The following ZNF536 variants were observed in gnomAD, a reference collection of about 807,000 sequenced individuals.
ZNF536 encodes zinc finger protein 536.
ZNF536 carries 13 observed loss-of-function variants against 84.5 expected under a neutral mutation model. That is an observed-to-expected ratio of 0.15 (90% confidence interval 0.10 to 0.24). ZNF536 has a LOEUF of 0.24. ZNF536 is among the 10% of genes least tolerant of loss of function. The pLI, the probability that ZNF536 is intolerant of heterozygous loss-of-function variation, is 1.00. For synonymous variants in ZNF536, 811 were observed against 742.5 expected (o/e 1.09, Z -1.50); for missense variants, 1,536 against 1,747.5 (o/e 0.88, Z 2.16).
intron 1 of ZNF536, among the ~76,000 whole-genome samples, chr19:30,392,349 A>G (rs938248429): frequency 1.3e-5 from 2 of 152,168 alleles, no homozygotes; most frequent in African/African-American, 4.8e-5. Context: ...CAGCCGCCAA[A>G]GGGATTCCAT....
At chr19:30,650,187 C>T (rs959408924) in intron 1 of ZNF536, among the ~76,000 whole-genome samples, 7 of 152,312 alleles carry the variant, frequency 4.6e-5, no homozygotes, top group South Asian at 2.1e-4. Context: ...GCAGTGTTAG[C>T]GGCACCTAGA....
At chr19:30,418,573 A>G (rs1046216024) in intron 1 of ZNF536, among the ~76,000 whole-genome samples, 37 of 152,268 alleles carry the variant, frequency 2.4e-4, no homozygotes, top group African/African-American at 8.2e-4. Flanking sequence ...ACTCACTTCA[A>G]TTACATTTTT....
intron 1 of ZNF536, among the ~76,000 whole-genome samples, chr19:30,700,331 TCCTC>T (rs1249175890): frequency 7.0e-6 from 1 of 142,388 alleles, no homozygotes; most frequent in East Asian, 2.1e-4. Context: ...TATCCCTCCT[TCCTC>T]CCTCCCTCCC....
chr19:30,346,717 T>C (rs2047754204), intron 2 of ZNF536, among the ~76,000 whole-genome samples: 1 of 152,280 alleles, frequency 6.6e-6, no homozygotes. Flanking sequence ...GGTGTGTATG[T>C]ACCACATTTT....
At chr19:30,650,836 G>T (rs1413693940) in intron 1 of ZNF536, among the ~76,000 whole-genome samples, 1 of 152,218 alleles carries the variant, frequency 6.6e-6, no homozygotes. Context: ...GTGTTAAAAT[G>T]ATCTGCAAGT....
chr19:30,675,147 C>T (rs1010808453), intron 1 of ZNF536, among the ~76,000 whole-genome samples: 11 of 152,144 alleles, frequency 7.2e-5, no homozygotes, highest in East Asian at 5.8e-4. Context: ...TCTTGGAATC[C>T]GTTTGCCGCA....
chr19:30,234,771 ACACG>A (rs1474492351), intron 1 of ZNF536, among the ~76,000 whole-genome samples: 25 of 148,900 alleles, frequency 1.7e-4, no homozygotes, highest in African/African-American at 5.9e-4. Flanking sequence ...ACACACACAC[ACACG>A]CGCACACGCA....
At chr19:30,711,086 G>A (rs1475190397) in exon 2 of ZNF536, 1 of 151,588 alleles carries the variant, frequency 6.6e-6, no homozygotes, top group Non-Finnish European at 1.5e-5. Context: ...GCATTCCAAG[G>A]GGAAAAAATC....
intron 3 of ZNF536, among the ~76,000 whole-genome samples, chr19:30,359,449 G>A (rs1298605134): frequency 6.6e-6 from 1 of 152,238 alleles, no homozygotes; most frequent in African/African-American, 2.4e-5. Flanking sequence ...CTGCGCCACA[G>A]GGAGGCCAGC....
At chr19:30,261,212 G>A (rs1303589807) in intron 1 of ZNF536, among the ~76,000 whole-genome samples, 1 of 147,474 alleles carries the variant, frequency 6.8e-6, no homozygotes, top group Non-Finnish European at 1.5e-5. Flanking sequence ...GCAGGAGAAT[G>A]GCGTGAACCC....
At chr19:30,227,829 G>C (rs938078475), upstream of ZNF536, among the ~76,000 whole-genome samples, 1 of 151,966 alleles carries the variant, frequency 6.6e-6, no homozygotes, top group Admixed American at 6.5e-5. Context: ...CGGGCAGCCC[G>C]AGCGGGCCGC....
intron 2 of ZNF536, among the ~76,000 whole-genome samples, chr19:30,343,206 A>G (rs534798389): frequency 6.6e-6 from 1 of 152,294 alleles, no homozygotes; most frequent in African/African-American, 2.4e-5. Context: ...TTCTGGAAAA[A>G]GGGCTTGCAA....
chr19:30,263,600 G>A lies in ZNF536; in HGVS notation c.-189-20472G>A, dbSNP rs115523235. ...ACTCGGCGACTCCAATCTTCTGTGC[G>A]TTTTGGCCTTTTCTGAATCGCTGCC... On this transcript the variant is annotated intron_variant, in intron 1 of 5. Transcript: ENST00000585628. Among the ~76,000 whole-genome samples the A allele has an allele frequency of 3.0e-3, 453 of 152,246 alleles. 3 individuals are homozygous for A. Among genetic ancestry groups the A allele is most frequent in the African/African-American group, 0.01 (425 of 41,540 alleles).
intron 1 of ZNF536, among the ~76,000 whole-genome samples, chr19:30,272,337 A>C (rs1262313091): frequency 6.6e-6 from 1 of 152,170 alleles, no homozygotes; most frequent in Non-Finnish European, 1.5e-5. Flanking sequence ...ATTAAAAGAC[A>C]TTTTAGTTGT....
chr19:30,320,083 C>T (rs1296326582), intron 2 of ZNF536, among the ~76,000 whole-genome samples: 1 of 152,062 alleles, frequency 6.6e-6, no homozygotes, highest in African/African-American at 2.4e-5. Flanking sequence ...ACTGGCAATC[C>T]CCATGTTCTG....
chr19:30,470,987 C>CT (rs35539055), intron 2 of ZNF536, among the ~76,000 whole-genome samples: 1,517 of 142,598 alleles, frequency 0.011, 8 homozygotes, highest in Non-Finnish European at 0.014. Flanking sequence ...TGCGCCCGGC[C>CT]TTTTTTTTTT....
chr19:30,244,556 A>G (rs1415712271), intron 1 of ZNF536, among the ~76,000 whole-genome samples: 1 of 152,128 alleles, frequency 6.6e-6, no homozygotes, highest in Non-Finnish European at 1.5e-5. Flanking sequence ...CATTTTCTCT[A>G]CTCAAGCCAT....
Position 30,534,071 on chromosome 19 carries a change from G to T in ZNF536, c.2171-776G>T, listed in dbSNP as rs142869858. ...GTAAATTTTATTCCGTTTTCTAATGGTTTGGGTTACATAACAAATAACAGC... is the reference window on the plus strand; with the variant it reads ...GTAAATTTTATTCCGTTTTCTAATGTTTTGGGTTACATAACAAATAACAGC... On this transcript the variant is annotated intron_variant, in intron 2 of 4. Coordinates refer to ENST00000355537, the MANE Select transcript of ZNF536 (RefSeq NM_014717.3). 2.5e-3 allele frequency among the ~76,000 whole-genome samples: 385 copies of T among 152,302 alleles called. 3 individuals are homozygous for T. The highest frequency in any genetic ancestry group is 8.9e-3 in the African/African-American group (368 of 41,566).
At chr19:30,581,972 A>G (rs925904705) in intron 1 of ZNF536, among the ~76,000 whole-genome samples, 2 of 152,180 alleles carry the variant, frequency 1.3e-5, no homozygotes, top group African/African-American at 4.8e-5. Context: ...AAAACAAAAA[A>G]GAAGGAGTTA....
Sources: allele counts gnomAD v4.1 joint callset (sites outside exome capture counted in the v4.1 genomes callset), GRCh38; gene constraint gnomAD v4.1.1; transcripts MANE v1.5; gene names NCBI Gene and HGNC (gene_info 2026-07-23, HGNC 2026-07-21).